COL4A6: variants seen among roughly 807,000 people sequenced by gnomAD.
COL4A6 encodes the protein collagen alpha-6(IV) chain.
In COL4A6, 59 loss-of-function variants were observed where a neutral mutation model predicts 126.7. The observed-to-expected ratio is 0.47, with a 90% CI of 0.38 to 0.58. COL4A6 has a LOEUF of 0.58. Ranked by LOEUF, COL4A6 falls within the 20% of genes least tolerant of loss-of-function variation. The probability of loss-of-function intolerance (pLI) is 0.00; values close to 1 mark genes in which losing one functional copy is unlikely to be tolerated. For synonymous variants in COL4A6, 547 were observed against 496.6 expected, an observed-to-expected ratio of 1.10 and a Z score of -1.35; for missense variants, 1,285 against 1,337.3, an observed-to-expected ratio of 0.96 and a Z score of 0.61.
intron 2 of COL4A6, among the ~76,000 whole-genome samples, chrX:108,346,313 T>G (rs757124590): frequency 9.0e-6 from 1 of 111,422 alleles, no homozygotes; most frequent in Non-Finnish European, 1.9e-5. Context: ...AGAAGGAAAC[T>G]GAGACAGGAC....
intron 3 of COL4A6, among the ~76,000 whole-genome samples, chrX:108,300,784 T>G (rs2147877253): frequency 1.9e-5 from 2 of 107,322 alleles, no homozygotes; most frequent in South Asian, 4.2e-4. Flanking sequence ...CTGGTACTTA[T>G]GAAATGTTTC....
rs191823247 is a variant in COL4A6, at chrX:108,169,647, C to T, written c.3566-27G>A. On this transcript the variant is annotated intron_variant, in intron 36 of 44. Transcript: ENST00000334504. Reference sequence around the variant, plus strand: ...TAGGAGGAGATGCAGGGGTAGGGGGCAGACCTCAGTGGAGGTGAGGCCTTC... The same window carrying T: ...TAGGAGGAGATGCAGGGGTAGGGGGTAGACCTCAGTGGAGGTGAGGCCTTC... 532 of 1,190,636 alleles carry T rather than the reference C, an allele frequency of 4.5e-4. 1 individual carries two copies. In the African/African-American group the frequency reaches 7.5e-3, roughly 17 times the overall value.
chrX:108,170,680 C>T lies in COL4A6; in HGVS notation c.3422G>A (p.Gly1141Glu). ...TTGGTGACCAGAAGAACCTGGAAGT[C>T]CTGGTTCTCCTCTCATGCCGGCAAC... is the stretch of plus-strand genomic sequence containing the variant. ...PGVAGMRGEP[G>E]LPGSSGHQGA... The change falls in exon 35 of 45, where the codon GGA becomes GAA. Residue 1141 changes from glycine to glutamate, a missense_variant. Physicochemically the swap from Gly to Glu is moderately conservative, Grantham distance 98 (BLOSUM62 -2). Transcript: ENST00000334504. The T allele has an allele frequency of 8.3e-7, 1 of 1,206,380 alleles. No homozygotes were observed. The highest frequency in any genetic ancestry group is 1.1e-6 in the Non-Finnish European group (1 of 893,734).
chrX:108,171,014 G>C, intron 33 of COL4A6, 97 bp from the exon 34 acceptor site: 1 of 769,284 alleles, frequency 1.3e-6, no homozygotes, highest in Non-Finnish European at 1.9e-6. Flanking sequence ...GAAGGAGCTA[G>C]ACCCAATGAA....
At chrX:108,385,131 G>T (rs935698215) in intron 2 of COL4A6, among the ~76,000 whole-genome samples, 1 of 110,072 alleles carries the variant, frequency 9.1e-6, no homozygotes, top group Non-Finnish European at 1.9e-5. Flanking sequence ...AATATAGTAT[G>T]TGTATAGAAT....
At chrX:108,321,778 A>C (rs1266654311) in intron 2 of COL4A6, among the ~76,000 whole-genome samples, 1 of 111,058 alleles carries the variant, frequency 9.0e-6, no homozygotes, top group African/African-American at 3.3e-5. Context: ...CTCTTTGGCT[A>C]GATCAGACCT....
chrX:108,387,478 T>A (rs776656197), intron 2 of COL4A6, among the ~76,000 whole-genome samples: 2 of 111,925 alleles, frequency 1.8e-5, no homozygotes, highest in Non-Finnish European at 3.8e-5. Context: ...TTTGTAGTAA[T>A]TGTGAATGAG....
chrX:108,307,489 G>C (rs1181453426), intron 3 of COL4A6, among the ~76,000 whole-genome samples: 1 of 112,178 alleles, frequency 8.9e-6, no homozygotes, highest in African/African-American at 3.2e-5. Context: ...ATCCAAAAAG[G>C]GTTGGATTGC....
At chrX:108,288,955 A>G (rs888152112) in intron 3 of COL4A6, among the ~76,000 whole-genome samples, 3 of 111,749 alleles carry the variant, frequency 2.7e-5, no homozygotes, top group Non-Finnish European at 5.6e-5. Context: ...ATGAGAAATA[A>G]TCAGACAAAT....
chrX:108,177,823 G>C (rs1438337707), intron 27 of COL4A6, among the ~76,000 whole-genome samples: 1 of 111,984 alleles, frequency 8.9e-6, no homozygotes, highest in Non-Finnish European at 1.9e-5. Flanking sequence ...GATTCAAATG[G>C]GAGGCTGTGA....
chrX:108,413,145 G>A (rs1465861467), intron 2 of COL4A6, among the ~76,000 whole-genome samples: 1 of 111,998 alleles, frequency 8.9e-6, no homozygotes, highest in Non-Finnish European at 1.9e-5. Context: ...GGCTTTATTT[G>A]GTGCTAGAGA....
chrX:108,433,348 A>G (rs190035880), intron 2 of COL4A6, among the ~76,000 whole-genome samples: 57 of 111,177 alleles, frequency 5.1e-4, no homozygotes, highest in Admixed American at 1.0e-3. Context: ...TAAAAGCCCT[A>G]TGATCTGCCT....
chrX:108,385,531 C>A (rs1014011638), intron 2 of COL4A6, among the ~76,000 whole-genome samples: 4 of 110,887 alleles, frequency 3.6e-5, no homozygotes, highest in African/African-American at 1.3e-4. Context: ...TCCAGATTAA[C>A]CAAATCAATT....
In COL4A6 at chrX:108,179,197, A is replaced by G. The variant is rs376808072; in HGVS notation, c.2353+20T>C. On this transcript the variant is annotated intron_variant, in intron 26 of 44. Transcript: ENST00000334504. ...AAGGCTTTCTGTAGATTGTTAAATA[A>G]TTGGGGCAAAAAGATTCACCCTTGA... The G allele has an allele frequency of 3.0e-5, 35 of 1,182,476 alleles. No individual in the cohort carries two copies. The highest frequency in any genetic ancestry group is 3.7e-5 in the Non-Finnish European group (32 of 872,403).
chrX:108,192,904 C>A (rs765176122), intron 17 of COL4A6, among the ~76,000 whole-genome samples: 2 of 112,484 alleles, frequency 1.8e-5, no homozygotes, highest in Admixed American at 9.4e-5. Context: ...TGTTGAAGTC[C>A]ACTATTTACG....
rs182329732 is a variant in COL4A6 at position 108,195,131 on chromosome X, A to G, written c.904-5T>C. On this transcript the variant is annotated splice_polypyrimidine_tract_variant and splice_region_variant and intron_variant, in intron 14 of 44. Transcript: ENST00000334504. ...TCCTTCTGAACCCATGGGACCCTGTAAAGAAAATAGTTACACCTTAGAAAC... is the reference window on the plus strand; with the variant it reads ...TCCTTCTGAACCCATGGGACCCTGTGAAGAAAATAGTTACACCTTAGAAAC... The G allele has an allele frequency of 7.5e-6, 9 of 1,197,964 alleles. No homozygotes were observed. In the East Asian group the frequency reaches 1.8e-4, roughly 24 times the overall value.
intron 2 of COL4A6, among the ~76,000 whole-genome samples, chrX:108,418,880 C>CA (rs2041481232): frequency 8.9e-6 from 1 of 112,253 alleles, no homozygotes; most frequent in Non-Finnish European, 1.9e-5. Context: ...TTGGTGGTAC[C>CA]TGCAGATACC....
chrX:108,203,503 C>T (rs771635964), intron 12 of COL4A6, among the ~76,000 whole-genome samples: 1 of 112,270 alleles, frequency 8.9e-6, no homozygotes, highest in African/African-American at 3.2e-5. Context: ...CAGACCATTC[C>T]CAAATCAACG....
intron 23 of COL4A6, among the ~76,000 whole-genome samples, chrX:108,186,850 A>T (rs2034880056): frequency 9.0e-6 from 1 of 111,129 alleles, no homozygotes; most frequent in Non-Finnish European, 1.9e-5. Flanking sequence ...GCTCTGTTAC[A>T]TTTTCAGACT....
Sources: allele counts gnomAD v4.1 joint callset (sites outside exome capture counted in the v4.1 genomes callset), GRCh38; gene constraint gnomAD v4.1.1; transcripts MANE v1.5; gene names NCBI Gene and HGNC (gene_info 2026-07-23, HGNC 2026-07-21).